PRKCH: variants seen among roughly 807,000 people sequenced by gnomAD.
PRKCH encodes the protein protein kinase C eta.
A neutral mutation model predicts 82.5 loss-of-function variants in PRKCH; 28 were observed. The observed-to-expected ratio is 0.34, with a 90% CI of 0.25 to 0.47. PRKCH has a LOEUF of 0.47. Among genes scored for constraint, PRKCH ranks in the 20% least tolerant of loss-of-function variants. The pLI is 1.00. For synonymous variants in PRKCH, 322 were observed against 327.4 expected (o/e 0.98, Z 0.18); for missense variants, 705 against 881.8 (o/e 0.80, Z 2.54).
intron 1 of PRKCH, among the ~76,000 whole-genome samples, chr14:61,210,224 G>T (rs368174193): frequency 5.4e-5 from 8 of 148,234 alleles, no homozygotes; most frequent in East Asian, 2.0e-4. Context: ...TGAGGCAGGA[G>T]AACTGCTTGA....
intron 1 of PRKCH, among the ~76,000 whole-genome samples, chr14:61,351,586 A>G (rs2046074845): frequency 6.6e-6 from 1 of 152,136 alleles, no homozygotes; most frequent in South Asian, 2.1e-4. Flanking sequence ...ATTTGAGGGA[A>G]CTAAGTGGTG....
intron 1 of PRKCH, among the ~76,000 whole-genome samples, chr14:61,241,113 A>G (rs1256641430): frequency 1.3e-5 from 2 of 152,212 alleles, no homozygotes; most frequent in Non-Finnish European, 2.9e-5. Context: ...GAATTCAATT[A>G]ATTTGCCAAA....
chr14:61,451,250 T>C (rs1594720643), intron 6 of PRKCH, among the ~76,000 whole-genome samples: 4 of 152,144 alleles, frequency 2.6e-5, no homozygotes, highest in African/African-American at 7.2e-5. Context: ...TGTATTTTAA[T>C]AGGTGTTTGG....
chr14:61,296,262 G>A (rs577939135), intron 1 of PRKCH, among the ~76,000 whole-genome samples: 1 of 152,250 alleles, frequency 6.6e-6, no homozygotes, highest in African/African-American at 2.4e-5. Context: ...TGAGATCAAA[G>A]AGCCTTAATC....
chr14:61,352,173 C>T (rs1055528455), intron 1 of PRKCH, among the ~76,000 whole-genome samples: 7 of 152,198 alleles, frequency 4.6e-5, no homozygotes, highest in African/African-American at 1.4e-4. Flanking sequence ...GGCCATTAAT[C>T]ACCAAGGTCT....
chr14:61,367,135 AG>A (rs1197412818), intron 1 of PRKCH, among the ~76,000 whole-genome samples: 7 of 152,082 alleles, frequency 4.6e-5, no homozygotes, highest in African/African-American at 1.7e-4. Context: ...CAGAGAAGGC[AG>A]AAAGTGTGTT....
chr14:61,431,361 G>T (rs1883387467), intron 2 of PRKCH, among the ~76,000 whole-genome samples: 1 of 152,196 alleles, frequency 6.6e-6, no homozygotes, highest in Non-Finnish European at 1.5e-5. Context: ...GCGTCGGACA[G>T]GGTCCTCGGA....
intron 1 of PRKCH, among the ~76,000 whole-genome samples, chr14:61,274,856 A>G (rs1201947050): frequency 2.0e-5 from 3 of 152,194 alleles, no homozygotes; most frequent in African/African-American, 7.2e-5. Flanking sequence ...ACTTATATAT[A>G]TGATGTTCAG....
chr14:61,534,512 A>C (rs540689112), intron 12 of PRKCH, among the ~76,000 whole-genome samples: 1 of 152,292 alleles, frequency 6.6e-6, no homozygotes, highest in East Asian at 1.9e-4. Context: ...CCTCATGTGA[A>C]TAGTTGAATC....
intron 10 of PRKCH, among the ~76,000 whole-genome samples, chr14:61,523,308 A>C (rs2042927982): frequency 6.6e-6 from 1 of 152,268 alleles, no homozygotes; most frequent in African/African-American, 2.4e-5. Flanking sequence ...AGTAATATGC[A>C]TAAAACATCC....
intron 9 of PRKCH, among the ~76,000 whole-genome samples, chr14:61,465,845 G>A (rs1433095029): frequency 1.3e-5 from 2 of 152,188 alleles, no homozygotes; most frequent in African/African-American, 2.4e-5. Flanking sequence ...GTCAGGTACC[G>A]TCGTAAGCAC....
intron 1 of PRKCH, among the ~76,000 whole-genome samples, chr14:61,250,085 C>CT (rs1010388112): frequency 0.14 from 10 of 72 alleles, no homozygotes; most frequent in Non-Finnish European, 0.2. Context: ...CATGGTGAAA[C>CT]CCCATCTCTA....
In PRKCH at chr14:61,487,762, C is replaced by T. The variant is rs141691613; in HGVS notation, c.1433+2106C>T. On this transcript the variant is annotated intron_variant, in intron 10 of 13. Coordinates refer to ENST00000332981, the MANE Select transcript of PRKCH (RefSeq NM_006255.5). ...AATCCCAGCACCTCGGAAGGCTGAG[C>T]GGGGAGGATCGCTTGAGCCTGGAAG... Among the ~76,000 whole-genome samples, 12 of 149,372 alleles carry T rather than the reference C, an allele frequency of 8.0e-5. No homozygotes were observed. The East Asian group carries it at 1.8e-3, about 22-fold the overall frequency.
chr14:61,243,365 C>G (rs1459056054), intron 1 of PRKCH, among the ~76,000 whole-genome samples: 12 of 110,366 alleles, frequency 1.1e-4, no homozygotes, highest in Non-Finnish European at 2.1e-4. Flanking sequence ...GCCTGGGCGA[C>G]AGAGAAAGAC....
chr14:61,421,093 T>C (rs953668608), intron 2 of PRKCH, among the ~76,000 whole-genome samples: 2 of 151,606 alleles, frequency 1.3e-5, no homozygotes, highest in Non-Finnish European at 2.9e-5. Context: ...ATAGTAGCCA[T>C]TATCTAGTAG....
At chr14:61,362,094 C>T (rs1203284834) in intron 1 of PRKCH, among the ~76,000 whole-genome samples, 7 of 152,204 alleles carry the variant, frequency 4.6e-5, no homozygotes, top group Non-Finnish European at 8.8e-5. Context: ...CCAAACACTT[C>T]GGGAGGCTGA....
chr14:61,403,019 C>A (rs1022187170), intron 2 of PRKCH, among the ~76,000 whole-genome samples: 6 of 151,976 alleles, frequency 3.9e-5, no homozygotes, highest in Non-Finnish European at 7.4e-5. Flanking sequence ...CAATGCTATC[C>A]CTCCCGCCTC....
chr14:61,498,902 G>A (rs1052445846), intron 10 of PRKCH, among the ~76,000 whole-genome samples: 1 of 152,144 alleles, frequency 6.6e-6, no homozygotes, highest in African/African-American at 2.4e-5. Context: ...GGGGTTTTCA[G>A]TTACATTAAG....
chr14:61,409,638 T>C (rs1882159527), intron 2 of PRKCH, among the ~76,000 whole-genome samples: 1 of 136,278 alleles, frequency 7.3e-6, no homozygotes, highest in South Asian at 2.2e-4. Context: ...GAGGCTGCAG[T>C]GAGCCATGAT....
Sources: gnomAD v4.1 joint callset for allele counts (sites outside exome capture counted in the v4.1 genomes callset) on GRCh38, gnomAD v4.1.1 for gene constraint, MANE v1.5 for transcripts, NCBI Gene and HGNC (gene_info 2026-07-23, HGNC 2026-07-21) for gene names.